The following PLCL1 variants were observed in gnomAD, a reference collection of about 807,000 sequenced individuals.
PLCL1 encodes the protein phospholipase C like 1 (inactive), also known as inactive phospholipase C-like protein 1.
A neutral mutation model predicts 84.4 loss-of-function variants in PLCL1; 41 were observed. That is an observed-to-expected ratio of 0.49 (90% CI 0.38 to 0.63). PLCL1 has a LOEUF of 0.63. Among genes scored for constraint, PLCL1 ranks in the 30% least tolerant of loss-of-function variants. The pLI is 0.00. For missense variants in PLCL1, 1,206 were observed against 1,367.8 expected, an observed-to-expected ratio of 0.88 and a Z score of 1.87; for synonymous variants, 490 against 488.3, an observed-to-expected ratio of 1.00 and a Z score of -0.05.
chr2:197,809,722 G>T (rs146344190), intron 1 of PLCL1, among the ~76,000 whole-genome samples: 2 of 151,826 alleles, frequency 1.3e-5, no homozygotes, highest in Admixed American at 6.6e-5. Context: ...AGGCTGATAC[G>T]CAGGCAGAAA....
intron 1 of PLCL1, among the ~76,000 whole-genome samples, chr2:197,982,180 G>A (rs758913378): frequency 1.1e-4 from 17 of 150,548 alleles, no homozygotes; most frequent in East Asian, 5.8e-4. Flanking sequence ...TAAAAGAGAC[G>A]AATTTTAATC....
At chr2:198,134,167 G>A (rs1193478069) in intron 5 of PLCL1, among the ~76,000 whole-genome samples, 1 of 152,156 alleles carries the variant, frequency 6.6e-6, no homozygotes, top group Non-Finnish European at 1.5e-5. Flanking sequence ...AGTGTAACTA[G>A]TAGTCTGTTG....
chr2:197,905,133 G>A (rs780543852), intron 1 of PLCL1, among the ~76,000 whole-genome samples: 1 of 152,072 alleles, frequency 6.6e-6, no homozygotes, highest in Non-Finnish European at 1.5e-5. Context: ...GAATGTGCAG[G>A]TTTGTTACAT....
chr2:198,085,987 C>A lies in PLCL1; in HGVS notation c.2470C>A (p.Arg824=). 1 of 1,613,978 alleles carries A rather than the reference C, an allele frequency of 6.2e-7. No individual in the cohort carries two copies. Among genetic ancestry groups the A allele is most frequent in the East Asian group, 2.2e-5 (1 of 44,888 alleles). ...ATTTGAATGTTTGCAGCCTGGATATCGGCATGTTCCCCTGCGTTCTTTTGT... is the reference window on the plus strand; with the variant it reads ...ATTTGAATGTTTGCAGCCTGGATATAGGCATGTTCCCCTGCGTTCTTTTGT... The part of the protein sequence containing the change: ...IPFECLQPGY[R]HVPLRSFVGD... Residue 824 remains arginine, a synonymous_variant, in exon 2 of 6, where the codon CGG becomes AGG. Coordinates refer to ENST00000428675, the MANE Select transcript of PLCL1 (RefSeq NM_006226.4). This position sits in a 1 kb window ranked among gnomAD's most constrained non-coding sequence, Gnocchi z 5.3.
At chr2:198,141,669 A>G (rs1694391490) in intron 5 of PLCL1, among the ~76,000 whole-genome samples, 1 of 152,142 alleles carries the variant, frequency 6.6e-6, no homozygotes, top group Non-Finnish European at 1.5e-5. Context: ...CCTCCACAGT[A>G]TGGTCCATCA....
chr2:198,075,735 C>T (rs1425784699), intron 1 of PLCL1, among the ~76,000 whole-genome samples: 5 of 152,162 alleles, frequency 3.3e-5, no homozygotes. Flanking sequence ...TATTTAGAAA[C>T]ATTCTTTATA....
intron 5 of PLCL1, among the ~76,000 whole-genome samples, chr2:198,139,997 G>A (rs546669227): frequency 1.3e-5 from 2 of 151,794 alleles, no homozygotes; most frequent in South Asian, 2.1e-4. Context: ...GCAGTGGTGC[G>A]ATCTTGGCTC....
chr2:197,864,465 G>T (rs1042533340), intron 1 of PLCL1, among the ~76,000 whole-genome samples: 21 of 148,832 alleles, frequency 1.4e-4, no homozygotes, highest in Admixed American at 3.4e-4. Context: ...TAATGTGAAT[G>T]CATATTTCAA....
rs138886302 is a variant in PLCL1 at position 197,942,058 on chromosome 2, G to A, written c.240+136719G>A. Among the ~76,000 whole-genome samples, 200 of 152,206 alleles carry A rather than the reference G, an allele frequency of 1.3e-3. 1 individual carries two copies. The highest frequency in any genetic ancestry group is 4.5e-3 in the African/African-American group (185 of 41,530). On this transcript the variant is annotated intron_variant, in intron 1 of 5. Transcript: ENST00000428675. Reference sequence around the variant, plus strand: ...TTGATTTGTCCCATTTCATTGATTTGTGCCATTTGCTAGAAGAATCACTTT... The same window carrying A: ...TTGATTTGTCCCATTTCATTGATTTATGCCATTTGCTAGAAGAATCACTTT...
intron 1 of PLCL1, among the ~76,000 whole-genome samples, chr2:198,071,250 T>C (rs1055475759): frequency 1.3e-5 from 2 of 151,912 alleles, no homozygotes; most frequent in Admixed American, 1.3e-4. Flanking sequence ...GGATGTTTAG[T>C]TTATTAGTTT....
intron 1 of PLCL1, among the ~76,000 whole-genome samples, chr2:197,925,196 A>G (rs1448479748): frequency 2.0e-5 from 3 of 152,210 alleles, no homozygotes; most frequent in Non-Finnish European, 4.4e-5. Flanking sequence ...GAGAAAAAAA[A>G]TCTGTATTTA....
chr2:197,933,960 A>G lies in PLCL1; in HGVS notation c.240+128621A>G, dbSNP rs146528284. 3.7e-4 allele frequency among the ~76,000 whole-genome samples: 57 copies of G among 152,308 alleles called. No individual in the cohort carries two copies. The East Asian group carries it at 0.011, about 28-fold the overall frequency. ...AGAGTAATCTGGGTTAAAAATGGTT[A>G]TAGCTGCAGAAATACATACTGTGAA... On this transcript the variant is annotated intron_variant, in intron 1 of 5. Coordinates refer to ENST00000428675, the MANE Select transcript of PLCL1 (RefSeq NM_006226.4).
chr2:197,898,386 A>T (rs1160758216), intron 1 of PLCL1, among the ~76,000 whole-genome samples: 1 of 152,148 alleles, frequency 6.6e-6, no homozygotes, highest in Non-Finnish European at 1.5e-5. Flanking sequence ...AAGTTGCCAG[A>T]TCCCGTTCTT....
intron 1 of PLCL1, among the ~76,000 whole-genome samples, chr2:197,867,940 G>C (rs1365116773): frequency 6.6e-6 from 1 of 152,096 alleles, no homozygotes; most frequent in East Asian, 1.9e-4. Context: ...TTTAACCACT[G>C]TTCATCATTT....
intron 1 of PLCL1, among the ~76,000 whole-genome samples, chr2:197,837,415 T>C (rs1691213868): frequency 6.6e-6 from 1 of 152,248 alleles, no homozygotes; most frequent in Non-Finnish European, 1.5e-5. Context: ...CTGTGGTCTC[T>C]GTCTGCTTAG....
chr2:198,062,540 C>T (rs1692227922), intron 1 of PLCL1, among the ~76,000 whole-genome samples: 1 of 152,096 alleles, frequency 6.6e-6, no homozygotes, highest in Non-Finnish European at 1.5e-5. Context: ...TCTGAACTAA[C>T]AATGGAATTA....
chr2:197,854,423 G>A (rs191698048), intron 1 of PLCL1, among the ~76,000 whole-genome samples: 32 of 152,108 alleles, frequency 2.1e-4, no homozygotes, highest in Non-Finnish European at 4.0e-4. Context: ...ACCCATTTTC[G>A]TCTTAAATTA....
At chr2:197,922,558 AGAGGG>A (rs1204426672) in intron 1 of PLCL1, among the ~76,000 whole-genome samples, 1 of 131,720 alleles carries the variant, frequency 7.6e-6, no homozygotes, top group African/African-American at 2.7e-5. Context: ...GTGGCCGGGC[AGAGGG>A]GCTCCTTACT....
chr2:198,126,256 T>G (rs1194329241), intron 5 of PLCL1, among the ~76,000 whole-genome samples: 1 of 152,174 alleles, frequency 6.6e-6, no homozygotes, highest in African/African-American at 2.4e-5. Context: ...TCTTCTGTGC[T>G]TACCCCCCAA....
Sources: gnomAD v4.1 joint callset for allele counts (sites outside exome capture counted in the v4.1 genomes callset) on GRCh38, gnomAD v4.1.1 for gene constraint, Gnocchi (gnomAD v3.1) non-coding constraint, MANE v1.5 for transcripts, NCBI Gene and HGNC (gene_info 2026-07-23, HGNC 2026-07-21) for gene names.